Variants in GTPBP6 observed in about 807,000 individuals in gnomAD.
GTPBP6 encodes the protein GTP binding protein 6, also known as putative GTP-binding protein 6.
Under a neutral mutation model 28.9 loss-of-function variants are expected in GTPBP6, and 33 were observed. The ratio of observed to expected loss-of-function variants is 1.14; its 90% CI spans 0.87 to 1.53. The LOEUF is 1.53. GTPBP6 is among the 40% of genes most tolerant of loss of function. GTPBP6 has a pLI of 0.00. For synonymous variants in GTPBP6, 231 were observed against 192.7 expected, an observed-to-expected ratio of 1.20 and a Z score of -1.65; for missense variants, 507 against 408.3, an observed-to-expected ratio of 1.24 and a Z score of -2.08.
intron 7 of GTPBP6, among the ~76,000 whole-genome samples, chrX:308,212 A>G (rs1015697781): frequency 1.3e-5 from 2 of 152,168 alleles, no homozygotes; most frequent in African/African-American, 4.8e-5. Context: ...GGGCGGCTTC[A>G]TCCTCCTGTG....
exon 10 of GTPBP6, chrX:305,107 G>T: frequency 6.2e-7 from 1 of 1,613,388 alleles, no homozygotes; most frequent in Non-Finnish European, 8.5e-7. Flanking sequence ...ATTTGCCGTA[G>T]GCTGAGTTGC....
intron 4 of GTPBP6, 146 bp from the exon 5 acceptor site, chrX:314,363 A>G: frequency 1.4e-6 from 1 of 729,796 alleles, no homozygotes; most frequent in East Asian, 2.7e-5. Flanking sequence ...CGTGTAGCTC[A>G]CACACTGTGA....
chrX:311,624 T>G, exon 7 of GTPBP6: 1 of 1,611,400 alleles, frequency 6.2e-7, no homozygotes, highest in Non-Finnish European at 8.5e-7. Flanking sequence ...CAGCGTGGTC[T>G]TTCCTAGGAG....
exon 10 of GTPBP6, chrX:304,995 G>C: frequency 6.4e-7 from 1 of 1,566,356 alleles, no homozygotes; most frequent in South Asian, 1.2e-5. Flanking sequence ...CTGACACCAA[G>C]CTGCCCCCAA....
At chrX:315,685 T>C (rs1301100410) in intron 2 of GTPBP6, among the ~76,000 whole-genome samples, 110 of 2,300 alleles carry the variant, frequency 0.048, 2 homozygotes, top group African/African-American at 0.12. Flanking sequence ...CACAAACACA[T>C]ACACACACAC....
intron 7 of GTPBP6, among the ~76,000 whole-genome samples, chrX:309,471 A>G (rs759059663): frequency 3.2e-4 from 41 of 128,466 alleles, no homozygotes; most frequent in African/African-American, 1.1e-3. Context: ...TACGACAGAA[A>G]GAAAGAGATG....
chrX:314,709 C>T (rs1373046342), intron 4 of GTPBP6, among the ~76,000 whole-genome samples, 181 bp downstream of exon 4: 2 of 151,968 alleles, frequency 1.3e-5, no homozygotes, highest in Non-Finnish European at 2.9e-5. Flanking sequence ...ATCTCGTGAC[C>T]TCGTGATCCG....
intron 7 of GTPBP6, 75 bp downstream of exon 7, chrX:311,344 T>A (rs1376447026): frequency 8.8e-5 from 91 of 1,028,508 alleles, no homozygotes; most frequent in African/African-American, 3.7e-4. Flanking sequence ...GACCCCTGGC[T>A]GTGTGTGTCT....
intron 2 of GTPBP6, among the ~76,000 whole-genome samples, chrX:316,171 GACAC>G (rs1254010873): frequency 2.7e-3 from 25 of 9,208 alleles, no homozygotes; most frequent in African/African-American, 6.5e-3. Flanking sequence ...GACAGGGACA[GACAC>G]ACACACAGAC....
intron 2 of GTPBP6, among the ~76,000 whole-genome samples, chrX:316,376 AT>A (rs2070441454): frequency 1.5e-5 from 2 of 132,124 alleles, no homozygotes; most frequent in Admixed American, 1.5e-4. Context: ...GGGTGAACAC[AT>A]CCCAGCAGGG....
At chrX:309,934 A>C (rs1176415269) in intron 7 of GTPBP6, among the ~76,000 whole-genome samples, 1 of 140,458 alleles carries the variant, frequency 7.1e-6, no homozygotes, top group Non-Finnish European at 1.5e-5. Flanking sequence ...CTTCTAAGAG[A>C]CAGAAGAGGA....
chrX:311,438 A>G (rs2070295080), exon 7 of GTPBP6: 1 of 1,404,906 alleles, frequency 7.1e-7, no homozygotes, highest in South Asian at 1.4e-5. Context: ...CACGTCTTCC[A>G]GGGTGGCGGA....
At chrX:315,093 G>C in intron 3 of GTPBP6, 73 bp from the exon 4 acceptor site, 1 of 398,730 alleles carries the variant, frequency 2.5e-6, no homozygotes, top group Non-Finnish European at 4.4e-6. Context: ...AGAGGAAGGA[G>C]GACGTCTCTA....
At chrX:316,924 C>T (rs1307380290) in exon 2 of GTPBP6, 1 of 398,548 alleles carries the variant, frequency 2.5e-6, no homozygotes, top group East Asian at 3.6e-5. Context: ...CTGTCAGGTG[C>T]TCAAAGTTCC....
Position 311,185 on chromosome X carries a change from T to G in GTPBP6, c.1125+234A>C, listed in dbSNP as rs868859819. On this transcript the variant is annotated intron_variant, in intron 7 of 9. Coordinates refer to ENST00000326153, the Ensembl canonical transcript of GTPBP6. ...AGGCAGTTGTTGTTCCGGCCCCGAGTTGGGTGGGTGTCTGAGGGCCCGGCC... is the reference window on the plus strand; with the variant it reads ...AGGCAGTTGTTGTTCCGGCCCCGAGGTGGGTGGGTGTCTGAGGGCCCGGCC... Among the ~76,000 whole-genome samples, 5 of 60,782 alleles carry G rather than the reference T, an allele frequency of 8.2e-5. 1 individual carries two copies. The highest frequency in any genetic ancestry group is 4.5e-4 in the African/African-American group (5 of 11,210). The allele number at this position is 60,782 out of a possible 152,430, so 39.9% of individuals were successfully genotyped here.
At chrX:313,416 A>G (rs1200912035) in intron 5 of GTPBP6, among the ~76,000 whole-genome samples, 2 of 151,994 alleles carry the variant, frequency 1.3e-5, no homozygotes, top group Non-Finnish European at 2.9e-5. Flanking sequence ...CAAGCCTGGG[A>G]CGCCTGGAGC....
chrX:305,486 T>C (rs1181811966), intron 9 of GTPBP6, among the ~76,000 whole-genome samples: 5 of 151,454 alleles, frequency 3.3e-5, no homozygotes, highest in Non-Finnish European at 7.4e-5. Flanking sequence ...CACACCTGGC[T>C]AATTTTTTGT....
At chrX:316,950 G>A (rs2070450173) in exon 2 of GTPBP6, 2 of 398,542 alleles carry the variant, frequency 5.0e-6, no homozygotes, top group Middle Eastern at 6.2e-4. Flanking sequence ...CCAAAGATGA[G>A]CTTCCTGTCC....
At chrX:318,512 C>G (rs1421184074) in exon 1 of GTPBP6, 1 of 398,548 alleles carries the variant, frequency 2.5e-6, no homozygotes, top group Non-Finnish European at 4.4e-6. Context: ...GGGTCCCCGC[C>G]GGCAGCAGAG....
Sources: allele counts gnomAD v4.1 joint callset (sites outside exome capture counted in the v4.1 genomes callset), GRCh38; gene constraint gnomAD v4.1.1; transcripts MANE v1.5; gene names NCBI Gene and HGNC (gene_info 2026-07-23, HGNC 2026-07-21).